Variants in CR1 observed in about 807,000 individuals in gnomAD.
The protein encoded by CR1 is complement receptor type 1.
In CR1, 116 loss-of-function variants were observed where a neutral mutation model predicts 187.3. That is an observed-to-expected ratio of 0.62 (90% CI 0.53 to 0.72). CR1 has a LOEUF of 0.72. Among genes scored for constraint, CR1 ranks in the 30% least tolerant of loss-of-function variants. The pLI is 0.00. For synonymous variants in CR1, 576 were observed against 747.1 expected (o/e 0.77, Z 3.73); for missense variants, 1,731 against 2,110.7 (o/e 0.82, Z 3.52).
intron 42 of CR1, among the ~76,000 whole-genome samples, chr1:207,619,004 C>T (rs2102399465): frequency 7.0e-6 from 1 of 143,474 alleles, no homozygotes. Context: ...CGCCACTGCA[C>T]TCCAGCCTGG....
chr1:207,597,954 A>G (rs1661496115), intron 35 of CR1, among the ~76,000 whole-genome samples: 1 of 152,274 alleles, frequency 6.6e-6, no homozygotes, highest in Admixed American at 6.5e-5. Context: ...TACAAGATGC[A>G]TAAACTTTAA....
At chr1:207,604,750 T>C (rs866304480) in intron 35 of CR1, among the ~76,000 whole-genome samples, 42 of 152,172 alleles carry the variant, frequency 2.8e-4, no homozygotes, top group African/African-American at 1.2e-4. Context: ...CCTTCCAAAA[T>C]AAGCTAGGCA....
chr1:207,522,062 TTG>T (rs1404389896), intron 4 of CR1, among the ~76,000 whole-genome samples: 4 of 152,140 alleles, frequency 2.6e-5, no homozygotes, highest in African/African-American at 9.7e-5. Context: ...TCATCAGTAA[TTG>T]TGTGTGTTAT....
intron 4 of CR1, 35 bp downstream of exon 4, chr1:207,511,689 G>A (rs369800872): frequency 2.5e-5 from 39 of 1,580,846 alleles, no homozygotes; most frequent in African/African-American, 2.0e-4. Context: ...TTCTTTTACC[G>A]ACACATTCTA....
At chr1:207,568,558 C>T (rs1202079431) in intron 25 of CR1, among the ~76,000 whole-genome samples, 1 of 2,390 alleles carries the variant, frequency 4.2e-4, no homozygotes, top group African/African-American at 2.4e-3. Flanking sequence ...ATTAGCTGAG[C>T]GTGGTGGCAA....
intron 35 of CR1, among the ~76,000 whole-genome samples, chr1:207,598,515 G>C (rs1661513250): frequency 6.6e-6 from 1 of 151,986 alleles, no homozygotes; most frequent in South Asian, 2.1e-4. Flanking sequence ...CGCCTCCAGG[G>C]TTCAAGCCAT....
chr1:207,623,587 A>AACAC lies in CR1; in HGVS notation c.7352+567_7352+570dup, dbSNP rs55918544. 1.5e-3 allele frequency among the ~76,000 whole-genome samples: 214 copies of AACAC among 144,220 alleles called. 1 individual carries two copies. Among genetic ancestry groups the AACAC allele is most frequent in the Non-Finnish European group, 2.0e-3 (135 of 66,632 alleles). 94.6% of individuals were successfully genotyped at this position (144,220 alleles called of 152,430 possible). A position where few individuals can be genotyped will look rare whatever the true frequency, so the allele number is the denominator to read the frequency against. ...GTGACAGAGTGAGACTACATCTCAA[A>AACAC]ACACACACACACACACACACACACA... On this transcript the variant is annotated intron_variant, in intron 45 of 46. Coordinates refer to ENST00000367049, the MANE Select transcript of CR1 (RefSeq NM_000651.6).
At chr1:207,576,206 A>G (rs1660739199) in intron 28 of CR1, among the ~76,000 whole-genome samples, 2 of 152,234 alleles carry the variant, frequency 1.3e-5, no homozygotes, top group Non-Finnish European at 2.9e-5. Context: ...TAAAATGTGT[A>G]TAATCCTGGG....
At chr1:207,512,875 A>G (rs1166387029) in intron 4 of CR1, among the ~76,000 whole-genome samples, 1 of 152,178 alleles carries the variant, frequency 6.6e-6, no homozygotes, top group East Asian at 1.9e-4. Context: ...TACTTCTGTA[A>G]CCTCTCTGTA....
chr1:207,588,887 C>A, intron 35 of CR1, 113 bp downstream of exon 35: 1 of 680,926 alleles, frequency 1.5e-6, no homozygotes. Flanking sequence ...TAAAAGCAAG[C>A]AATAGGACTT....
rs116699163 is a variant in CR1, at chr1:207,631,277, A to T, written c.7457+656A>T. Among the ~76,000 whole-genome samples, 1,253 of 152,322 alleles carry T rather than the reference A, an allele frequency of 8.2e-3. 7 individuals are homozygous for T. Among genetic ancestry groups the T allele is most frequent in the Admixed American group, 0.014 (213 of 15,296 alleles). ...GAAATCACTGAACTGAAAAGTAACT[A>T]GTACACCAGGGACCTGAAAACTACC... On this transcript the variant is annotated intron_variant, in intron 46 of 46. Coordinates refer to ENST00000367049, the MANE Select transcript of CR1 (RefSeq NM_000651.6).
chr1:207,609,586 A>T lies in CR1; in HGVS notation c.6193A>T (p.Ile2065Phe). The stretch of plus-strand genomic sequence containing the variant: ...GAGTTTCTTTACCCTCACTGAGATC[A>T]TCAGATTTAGATGTCAGCCCGGGTT... The part of the protein sequence containing the change: ...NRSFFTLTEI[I>F]RFRCQPGFVM... The change falls in exon 37 of 47, where the codon ATC becomes TTC. Residue 2065 changes from isoleucine (I) to phenylalanine (F), a missense_variant. This residue lies in a region of CR1 where 1,312 missense variants were observed against 1,379.6 expected (regional missense o/e 0.95). Transcript: ENST00000367049. 6.2e-7 allele frequency: 1 copy of T among 1,612,722 alleles called. No homozygotes were observed. The highest frequency in any genetic ancestry group is 1.1e-5 in the South Asian group (1 of 90,956).
chr1:207,611,984 T>G lies in CR1; in HGVS notation c.6518T>G (p.Val2173Gly). ...CTGGGCCAACTCCCTCATGGCCGTG[T>G]GCTACTTCCACTTAATCTCCAGCTT... ...DFLGQLPHGR[V>G]LLPLNLQLGA... The change falls in exon 39 of 47, where the codon GTG becomes GGG. Residue 2173 changes from valine (V) to glycine (G), a missense_variant. Val to Gly is a moderately radical substitution (Grantham distance 109). Coordinates refer to ENST00000367049, the MANE Select transcript of CR1 (RefSeq NM_000651.6). 6.2e-7 allele frequency: 1 copy of G among 1,614,026 alleles called. No individual in the cohort carries two copies. Among genetic ancestry groups the G allele is most frequent in the African/African-American group, 1.3e-5 (1 of 75,036 alleles).
rs1488175268 is a variant in CR1 at position 207,580,587 on chromosome 1, A to G, written c.5190A>G (p.Ala1730=). The part of the protein sequence containing the change: ...VLFPLNLQLG[A]KVSFVCDEGF... The stretch of plus-strand genomic sequence containing the variant: ...TTCCACTTAATCTCCAGCTTGGGGC[A>G]AAGGTGTCCTTTGTCTGTGATGAAG... The change falls in exon 31 of 47, where the codon GCA becomes GCG. Residue 1730 remains alanine (A), a synonymous_variant. Transcript: ENST00000367049. The G allele has an allele frequency of 1.2e-6, 2 of 1,613,176 alleles. No homozygotes were observed. The highest frequency in any genetic ancestry group is 3.3e-5 in the Admixed American group (2 of 59,928).
chr1:207,499,966 A>G (rs1474988793), intron 1 of CR1, among the ~76,000 whole-genome samples: 1 of 152,198 alleles, frequency 6.6e-6, no homozygotes, highest in Non-Finnish European at 1.5e-5. Context: ...TAGAGTTGAC[A>G]ATCCCTCTCA....
Position 207,640,457 on chromosome 1 carries a change from T to G in CR1, c.*1048T>G, listed in dbSNP as rs1020321580. On this transcript the variant is annotated 3_prime_UTR_variant, in exon 47 of 47. Transcript: ENST00000367049. ...GCCGCTTTCGATATTTTCTAAACTT[T>G]AATTCAAAAGCACTTTGTGCTGTGT... 3.3e-5 allele frequency: 5 copies of G among 152,200 alleles called. No homozygotes were observed. Among genetic ancestry groups the G allele is most frequent in the African/African-American group, 1.2e-4 (5 of 41,450 alleles). The allele number at this position is 152,200 out of a possible 1,614,324, so 9.4% of individuals were successfully genotyped here. A position where few individuals can be genotyped will look rare whatever the true frequency, so the allele number is the denominator to read the frequency against.
At chr1:207,635,649 G>A (rs917788880) in intron 46 of CR1, among the ~76,000 whole-genome samples, 4 of 152,072 alleles carry the variant, frequency 2.6e-5, no homozygotes, top group South Asian at 2.1e-4. Flanking sequence ...CTTCCTCAGC[G>A]CAGACCCTTT....
At chr1:207,601,881 G>A (rs1283098234) in intron 35 of CR1, among the ~76,000 whole-genome samples, 1 of 151,790 alleles carries the variant, frequency 6.6e-6, no homozygotes, top group African/African-American at 2.4e-5. Context: ...TAATCTCTTG[G>A]TGGTATCTTT....
chr1:207,601,858 T>G (rs1661615794), intron 35 of CR1, among the ~76,000 whole-genome samples: 2 of 152,240 alleles, frequency 1.3e-5, no homozygotes, highest in South Asian at 4.1e-4. Flanking sequence ...TATCATTCTG[T>G]GGGTTGTCTT....
Sources: gnomAD v4.1 joint callset for allele counts (sites outside exome capture counted in the v4.1 genomes callset) on GRCh38, gnomAD v4.1.1 for gene constraint, gnomAD v4.1.1 regional missense constraint, MANE v1.5 for transcripts, NCBI Gene and HGNC (gene_info 2026-07-23, HGNC 2026-07-21) for gene names.